Variants in CACNB4 observed in about 807,000 individuals in gnomAD.
The protein encoded by CACNB4 is voltage-dependent L-type calcium channel subunit beta-4.
Under a neutral mutation model 71.2 loss-of-function variants are expected in CACNB4, and 32 were observed. That is an observed-to-expected ratio of 0.45 (90% CI 0.34 to 0.60). The LOEUF is 0.60. CACNB4 is among the 20% of genes least tolerant of loss of function. The pLI, the probability that CACNB4 is intolerant of heterozygous loss-of-function variation, is 0.01. For synonymous variants in CACNB4, 231 were observed against 236.9 expected (o/e 0.97, Z 0.23); for missense variants, 464 against 647.9 (o/e 0.72, Z 3.08).
intron 2 of CACNB4, among the ~76,000 whole-genome samples, chr2:152,057,027 A>C (rs1230212177): frequency 2.0e-5 from 3 of 152,174 alleles, no homozygotes; most frequent in Non-Finnish European, 4.4e-5. Flanking sequence ...ATGAGTAACC[A>C]ACAGAATACG....
intron 2 of CACNB4, among the ~76,000 whole-genome samples, chr2:151,925,791 C>A (rs1578825898): frequency 6.6e-6 from 1 of 152,092 alleles, no homozygotes; most frequent in South Asian, 2.1e-4. Context: ...AGAAGGGTAA[C>A]ATTCAGAATA....
At chr2:152,026,659 C>A (rs1309780803) in intron 2 of CACNB4, among the ~76,000 whole-genome samples, 1 of 152,138 alleles carries the variant, frequency 6.6e-6, no homozygotes, top group Non-Finnish European at 1.5e-5. Context: ...AGATTACAGC[C>A]ATGAGCCACT....
At chr2:152,013,790 T>C (rs2105080548) in intron 2 of CACNB4, among the ~76,000 whole-genome samples, 1 of 152,318 alleles carries the variant, frequency 6.6e-6, no homozygotes, top group East Asian at 1.9e-4. Context: ...TACTACTCAT[T>C]ATGGGATGGG....
intron 12 of CACNB4, chr2:151,852,870 T>C (rs943659453): frequency 6.6e-6 from 1 of 152,212 alleles, no homozygotes; most frequent in Non-Finnish European, 1.5e-5. Flanking sequence ...TGCCATGTGA[T>C]AGCAGTTCCA....
intron 2 of CACNB4, among the ~76,000 whole-genome samples, chr2:151,950,543 C>T (rs1420337914): frequency 6.6e-6 from 1 of 152,182 alleles, no homozygotes; most frequent in East Asian, 1.9e-4. Context: ...CAGCACTATT[C>T]ACAATCACCA....
chr2:151,883,848 G>T (rs1057326694), intron 2 of CACNB4: 2 of 218,812 alleles, frequency 9.1e-6, no homozygotes, highest in Admixed American at 1.1e-4. Flanking sequence ...TGATTTTCCA[G>T]TTTCAATGTC....
intron 2 of CACNB4, among the ~76,000 whole-genome samples, chr2:151,983,458 C>T (rs1391196223): frequency 1.3e-5 from 2 of 152,096 alleles, no homozygotes; most frequent in Admixed American, 6.6e-5. Flanking sequence ...ATTACTTGAT[C>T]TAAATGCCAA....
At chr2:151,881,028 A>T in intron 3 of CACNB4, 106 bp from the exon 4 acceptor site, 1 of 1,132,822 alleles carries the variant, frequency 8.8e-7, no homozygotes, top group South Asian at 1.8e-5. Context: ...CTTTCCAAAG[A>T]GGGATCTCAA....
Position 152,098,393 on chromosome 2 carries a change from G to T in CACNB4, c.84C>A (p.Thr28=). The T allele has an allele frequency of 3.7e-6, 6 of 1,613,632 alleles. No individual in the cohort carries two copies. Among genetic ancestry groups the T allele is most frequent in the Non-Finnish European group, 5.1e-6 (6 of 1,179,594 alleles). Residue 28 remains threonine (T), a synonymous_variant, in exon 2 of 14, where the codon ACC becomes ACA. Coordinates refer to ENST00000539935, the MANE Select transcript of CACNB4 (RefSeq NM_000726.5). This position sits in a 1 kb window ranked among gnomAD's most constrained non-coding sequence, Gnocchi z 5.3. ...CGGATCTTTTCAACCTGCTCCTCCGGGTTGTGGTGCCTCGGGCCACCTGGA... is the reference window on the plus strand; with the variant it reads ...CGGATCTTTTCAACCTGCTCCTCCGTGTTGTGGTGCCTCGGGCCACCTGGA... ...PTSQVARGTT[T]RRSRLKRSDG...
At chr2:152,036,890 G>A (rs988323769) in intron 2 of CACNB4, among the ~76,000 whole-genome samples, 2 of 152,222 alleles carry the variant, frequency 1.3e-5, no homozygotes, top group African/African-American at 4.8e-5. Context: ...CCTTCGAAGA[G>A]TTTCACCTGA....
At chr2:152,052,540 C>T (rs915801071) in intron 2 of CACNB4, among the ~76,000 whole-genome samples, 1 of 152,146 alleles carries the variant, frequency 6.6e-6, no homozygotes, top group African/African-American at 2.4e-5. Flanking sequence ...GTGATCCGCC[C>T]GCCTCGGCCT....
chr2:152,033,212 G>A (rs978130280), intron 2 of CACNB4, among the ~76,000 whole-genome samples: 1 of 152,220 alleles, frequency 6.6e-6, no homozygotes, highest in Non-Finnish European at 1.5e-5. Flanking sequence ...GGGGGAATGA[G>A]GATGAAGAGG....
At position 152,054,043 on chromosome 2, in the gene CACNB4, T is replaced by C. The variant is rs13016984; in HGVS notation, c.147+44287A>G. ...AGTTTGCACCTGCTGGAGGATTGTT[T>C]GGTGTGTGGAAAAAACCCTCTACAC... On this transcript the variant is annotated intron_variant, in intron 2 of 13. Transcript: ENST00000539935. Among the ~76,000 whole-genome samples the C allele has an allele frequency of 3.3e-3, 510 of 152,264 alleles. 3 individuals are homozygous for C. Among genetic ancestry groups the C allele is most frequent in the Non-Finnish European group, 5.2e-3 (353 of 68,014 alleles).
intron 2 of CACNB4, among the ~76,000 whole-genome samples, chr2:152,087,299 G>A (rs1202191269): frequency 2.0e-5 from 3 of 151,630 alleles, no homozygotes; most frequent in African/African-American, 7.3e-5. Context: ...AGGCATGGTG[G>A]CACGTACCTG....
intron 2 of CACNB4, among the ~76,000 whole-genome samples, chr2:151,913,675 C>T (rs1578768074): frequency 1.4e-5 from 2 of 145,082 alleles, no homozygotes; most frequent in East Asian, 2.0e-4. Context: ...CTGAGGCAGG[C>T]GAATGGCATG....
intron 2 of CACNB4, among the ~76,000 whole-genome samples, chr2:152,086,905 C>G (rs966307682): frequency 6.6e-6 from 1 of 151,816 alleles, no homozygotes; most frequent in African/African-American, 2.4e-5. Flanking sequence ...CTGAGGTGGG[C>G]GGATCACCTG....
At chr2:151,895,078 A>C in intron 2 of CACNB4, among the ~76,000 whole-genome samples, 1 of 148,594 alleles carries the variant, frequency 6.7e-6, no homozygotes, top group Non-Finnish European at 1.5e-5. Flanking sequence ...TTCATATGGA[A>C]CCAGAACTCA....
chr2:151,878,335 T>A (rs910085968), intron 4 of CACNB4, among the ~76,000 whole-genome samples: 1 of 152,126 alleles, frequency 6.6e-6, no homozygotes, highest in African/African-American at 2.4e-5. Flanking sequence ...GAGAAATATG[T>A]TCTGGTAAGA....
At chr2:151,880,544 A>G in intron 4 of CACNB4, 1 of 474,556 alleles carries the variant, frequency 2.1e-6, no homozygotes, top group Admixed American at 4.0e-5. Context: ...CCAGAGGACC[A>G]TAGAGGTCTG....
Sources: allele counts gnomAD v4.1 joint callset (sites outside exome capture counted in the v4.1 genomes callset), GRCh38; gene constraint gnomAD v4.1.1; non-coding constraint Gnocchi (gnomAD v3.1); transcripts MANE v1.5; gene names NCBI Gene and HGNC (gene_info 2026-07-23, HGNC 2026-07-21).